Variants in SLCO6A1 observed in about 807,000 individuals in gnomAD.
SLCO6A1 encodes solute carrier organic anion transporter family member 6A1, also known as cancer/testis antigen 48.
SLCO6A1 carries 65 observed loss-of-function variants against 72.7 expected under a neutral mutation model. The observed-to-expected ratio is 0.89, with a 90% CI of 0.73 to 1.10. The LOEUF is 1.10. Among genes scored for constraint, SLCO6A1 ranks in the 50% least tolerant of loss-of-function variants. The pLI, the probability that SLCO6A1 is intolerant of heterozygous loss-of-function variation, is 0.00. For synonymous variants in SLCO6A1, 314 were observed against 298.2 expected (o/e 1.05, Z -0.55); for missense variants, 874 against 872.6 (o/e 1.00, Z -0.02).
At position 102,438,625 on chromosome 5, in the gene SLCO6A1, G is replaced by T. The variant is rs146187374; in HGVS notation, c.1268C>A (p.Thr423Lys). Residue 423 changes from threonine to lysine, a missense_variant, in exon 7 of 14, where the codon ACA becomes AAA. Coordinates refer to ENST00000506729, the MANE Select transcript of SLCO6A1 (RefSeq NM_173488.5). ...QFILTPTVAT[T>K]LAGLVLIPGG... The stretch of plus-strand genomic sequence containing the variant: ...TAAGAAGGTAAATCTACCTGCAAGT[G>T]TAGTTGCCACAGTGGGTGTTAATAT... 1 of 1,591,076 alleles carries T rather than the reference G, an allele frequency of 6.3e-7. No individual in the cohort carries two copies.
chr5:102,377,906 T>G (rs1745894641), intron 12 of SLCO6A1, among the ~76,000 whole-genome samples: 1 of 151,586 alleles, frequency 6.6e-6, no homozygotes, highest in Non-Finnish European at 1.5e-5. Flanking sequence ...ACTCTTTTTT[T>G]TTTTTTTAAT....
chr5:102,376,478 T>C (rs548187725), intron 12 of SLCO6A1, among the ~76,000 whole-genome samples: 111 of 151,960 alleles, frequency 7.3e-4, no homozygotes, highest in Non-Finnish European at 1.4e-3. Context: ...AAAATAACAA[T>C]TCATCAAAAA....
chr5:102,373,496 T>TAAATTTAAA lies in SLCO6A1; in HGVS notation c.2018-11_2018-3dup. On this transcript the variant is annotated splice_region_variant and splice_polypyrimidine_tract_variant and intron_variant, in intron 12 of 13. Coordinates refer to ENST00000506729, the MANE Select transcript of SLCO6A1 (RefSeq NM_173488.5). ...TAGTGCATAGTTTGCAAAGAAAACC[T>TAAATTTAAA]AAATTTAAAAAATGCAATGATCAGA... The TAAATTTAAA allele has an allele frequency of 6.9e-7, 1 of 1,451,964 alleles. No homozygotes were observed. The allele number at this position is 1,451,964 out of a possible 1,614,324, so 89.9% of individuals were successfully genotyped here. A position where few individuals can be genotyped will look rare whatever the true frequency, so the allele number is the denominator to read the frequency against.
intron 1 of SLCO6A1, among the ~76,000 whole-genome samples, chr5:102,487,190 T>A (rs1752481912): frequency 6.6e-6 from 1 of 152,234 alleles, no homozygotes; most frequent in Non-Finnish European, 1.5e-5. Context: ...CAGCTGCATG[T>A]GTTATCTTTT....
chr5:102,457,182 A>G (rs547835901), intron 6 of SLCO6A1, among the ~76,000 whole-genome samples: 57 of 152,376 alleles, frequency 3.7e-4, no homozygotes, highest in Middle Eastern at 6.8e-3. Flanking sequence ...CATTCAGAAC[A>G]TAGGCATGGG....
In SLCO6A1 at chr5:102,402,587, G is replaced by A. The variant is rs1457731319; in HGVS notation, c.1627-2845C>T. Among the ~76,000 whole-genome samples the A allele has an allele frequency of 2.0e-5, 3 of 152,100 alleles. No homozygotes were observed. In the South Asian group the frequency reaches 6.2e-4, roughly 31 times the overall value. On this transcript the variant is annotated intron_variant, in intron 9 of 13. Coordinates refer to ENST00000506729, the MANE Select transcript of SLCO6A1 (RefSeq NM_173488.5). ...ATATGAAGATGGTGGCATCTAGTGAGGGCCTTTATGCTGCATCATCTCATG... is the reference window on the plus strand; with the variant it reads ...ATATGAAGATGGTGGCATCTAGTGAAGGCCTTTATGCTGCATCATCTCATG...
At chr5:102,498,050 G>A (rs752135216) in intron 1 of SLCO6A1, among the ~76,000 whole-genome samples, 6 of 151,976 alleles carry the variant, frequency 3.9e-5, no homozygotes, top group Non-Finnish European at 7.4e-5. Context: ...ACAGAAGATG[G>A]CAAGAAAACC....
chr5:102,402,165 C>A (rs10479214), intron 9 of SLCO6A1, among the ~76,000 whole-genome samples: 28,459 of 151,670 alleles, frequency 0.19, 3,522 homozygotes, highest in Non-Finnish European at 0.24. Flanking sequence ...ATTGTAAAGG[C>A]CTAGGGTATG....
chr5:102,423,896 A>G (rs1748744851), intron 7 of SLCO6A1, among the ~76,000 whole-genome samples: 1 of 152,210 alleles, frequency 6.6e-6, no homozygotes, highest in African/African-American at 2.4e-5. Flanking sequence ...TAGCAAATGC[A>G]AAAGAATGGA....
chr5:102,405,690 A>C lies in SLCO6A1; in HGVS notation c.1627-5948T>G, dbSNP rs561561435. Among the ~76,000 whole-genome samples the C allele has an allele frequency of 2.6e-3, 396 of 152,216 alleles. 5 individuals carry two copies. The highest frequency in any genetic ancestry group is 4.5e-3 in the Admixed American group (68 of 15,278). On this transcript the variant is annotated intron_variant, in intron 9 of 13. Coordinates refer to ENST00000506729, the MANE Select transcript of SLCO6A1 (RefSeq NM_173488.5). ...AAGAAATGCCAAAATAAGTTCTTCA[A>C]GCTTAAGGTAAATGATGATGCTGAG...
At chr5:102,478,599 C>T (rs1370053704) in intron 2 of SLCO6A1, among the ~76,000 whole-genome samples, 1 of 152,154 alleles carries the variant, frequency 6.6e-6, no homozygotes, top group East Asian at 1.9e-4. Flanking sequence ...TTAATATCTT[C>T]CAGGTCACAG....
At chr5:102,439,919 C>T (rs1374716078) in intron 6 of SLCO6A1, among the ~76,000 whole-genome samples, 1 of 152,170 alleles carries the variant, frequency 6.6e-6, no homozygotes, top group Non-Finnish European at 1.5e-5. Context: ...CCATCCAGAA[C>T]TATGTCATTT....
At chr5:102,426,788 A>G (rs1464887026) in intron 7 of SLCO6A1, among the ~76,000 whole-genome samples, 1 of 152,254 alleles carries the variant, frequency 6.6e-6, no homozygotes, top group Admixed American at 6.5e-5. Context: ...AAAGGATTAT[A>G]AATAATTCTA....
intron 1 of SLCO6A1, among the ~76,000 whole-genome samples, chr5:102,491,402 C>G (rs1752670279): frequency 6.6e-6 from 1 of 152,260 alleles, no homozygotes; most frequent in Non-Finnish European, 1.5e-5. Context: ...ACTCCTCAGC[C>G]CTTGGGTGGT....
intron 1 of SLCO6A1, among the ~76,000 whole-genome samples, chr5:102,486,443 C>T (rs1167671354): frequency 6.6e-6 from 1 of 151,978 alleles, no homozygotes; most frequent in Admixed American, 6.6e-5. Flanking sequence ...GGAAGATTTT[C>T]AGCTGCTTTT....
intron 9 of SLCO6A1, among the ~76,000 whole-genome samples, chr5:102,410,937 AG>A (rs1747941573): frequency 6.6e-6 from 1 of 152,214 alleles, no homozygotes; most frequent in Admixed American, 6.5e-5. Context: ...GAGCAGAAAG[AG>A]AAACAGCAAA....
chr5:102,374,544 CCTCT>C (rs1465858257), intron 12 of SLCO6A1, among the ~76,000 whole-genome samples: 1 of 152,006 alleles, frequency 6.6e-6, no homozygotes. Context: ...CTCGCCTTGG[CCTCT>C]CTAAGTGTAA....
At chr5:102,492,615 G>A (rs1391227093) in intron 1 of SLCO6A1, among the ~76,000 whole-genome samples, 1 of 152,122 alleles carries the variant, frequency 6.6e-6, no homozygotes, top group Non-Finnish European at 1.5e-5. Flanking sequence ...AGTGCAAGGG[G>A]TCAGAGAATT....
chr5:102,411,141 C>T (rs543080647), intron 9 of SLCO6A1, among the ~76,000 whole-genome samples: 6 of 152,138 alleles, frequency 3.9e-5, no homozygotes, highest in African/African-American at 9.6e-5. Flanking sequence ...CAGGCTGTTT[C>T]GTTCAACTTT....
Sources: gnomAD v4.1 joint callset for allele counts (sites outside exome capture counted in the v4.1 genomes callset) on GRCh38, gnomAD v4.1.1 for gene constraint, MANE v1.5 for transcripts, NCBI Gene and HGNC (gene_info 2026-07-23, HGNC 2026-07-21) for gene names.